Variants in EIF3H observed in about 807,000 individuals in gnomAD.
EIF3H encodes eukaryotic translation initiation factor 3 subunit H.
In EIF3H, 26 loss-of-function variants were observed where a neutral mutation model predicts 44.2. The observed-to-expected ratio is 0.59, with a 90% confidence interval of 0.43 to 0.82. The LOEUF (loss-of-function observed/expected upper bound fraction) is 0.82. Among genes scored for constraint, EIF3H ranks in the 40% least tolerant of loss-of-function variants. EIF3H has a pLI of 0.00. For synonymous variants in EIF3H, 166 were observed against 151.9 expected (o/e 1.09, Z -0.68); for missense variants, 359 against 432.8 (o/e 0.83, Z 1.51).
intron 2 of EIF3H, chr8:116,697,109 G>A (rs977046079): frequency 1.8e-5 from 8 of 456,096 alleles, no homozygotes; most frequent in Non-Finnish European, 3.1e-5. Context: ...GCTGTCCCTG[G>A]TGAATCTCAC....
chr8:116,646,400 A>G (rs999780333), intron 7 of EIF3H, 71 bp downstream of exon 7: 3 of 1,605,400 alleles, frequency 1.9e-6, no homozygotes, highest in Non-Finnish European at 2.6e-6. Context: ...TTCTGTTTGT[A>G]AATTTCTCAC....
At chr8:116,701,809 A>G (rs559839520) in intron 2 of EIF3H, among the ~76,000 whole-genome samples, 4 of 152,330 alleles carry the variant, frequency 2.6e-5, no homozygotes, top group African/African-American at 7.2e-5. Context: ...AAGAGATACA[A>G]TGAAATCCAA....
chr8:116,744,112 C>T lies in EIF3H; in HGVS notation c.132+11554G>A, dbSNP rs117721561. 2.5e-3 allele frequency among the ~76,000 whole-genome samples: 372 copies of T among 151,004 alleles called. 10 individuals are homozygous for T. In the East Asian group the frequency reaches 0.062, roughly 25 times the overall value. On this transcript the variant is annotated intron_variant, in intron 1 of 7. Coordinates refer to ENST00000521861, the MANE Select transcript of EIF3H (RefSeq NM_003756.3). Reference sequence around the variant, plus strand: ...AAAAACCTCAAGAAATAGTCAAAGACGATACCAGAAGCCTTCATGACTTGG... The same window carrying T: ...AAAAACCTCAAGAAATAGTCAAAGATGATACCAGAAGCCTTCATGACTTGG...
intron 1 of EIF3H, among the ~76,000 whole-genome samples, chr8:116,734,904 C>T (rs1353504891): frequency 6.6e-6 from 1 of 152,162 alleles, no homozygotes; most frequent in Non-Finnish European, 1.5e-5. Flanking sequence ...TTCAAAACTA[C>T]CAATTTCATT....
intron 2 of EIF3H, among the ~76,000 whole-genome samples, chr8:116,717,968 G>A (rs1315825167): frequency 2.6e-5 from 4 of 152,046 alleles, no homozygotes; most frequent in African/African-American, 9.7e-5. Context: ...ACCCAGAGTG[G>A]GAGAAAATCT....
Position 116,680,634 on chromosome 8 carries a change from T to G in EIF3H, c.290-21654A>C, listed in dbSNP as rs1329854278. On this transcript the variant is annotated intron_variant, in intron 2 of 7. Coordinates refer to ENST00000521861, the MANE Select transcript of EIF3H (RefSeq NM_003756.3). ...AAACAGATGCTTGAAGGCAGCATGC[T>G]CGTTAAGAGTCATCACCACTCCCTA... Among the ~76,000 whole-genome samples, 46 of 123,776 alleles carry G rather than the reference T, an allele frequency of 3.7e-4. 1 individual carries two copies. The South Asian group carries it at 0.012, about 33-fold the overall frequency. The allele number at this position is 123,776 out of a possible 152,430, so 81.2% of individuals were successfully genotyped here.
chr8:116,755,883 G>T (rs1190293793), upstream of EIF3H: 7 of 1,579,894 alleles, frequency 4.4e-6, no homozygotes, highest in South Asian at 5.6e-5. Context: ...GCAGGCCGGC[G>T]TTCGAGGGGC....
intron 2 of EIF3H, among the ~76,000 whole-genome samples, chr8:116,718,664 G>T (rs1328329310): frequency 2.0e-5 from 3 of 149,726 alleles, no homozygotes; most frequent in Admixed American, 1.3e-4. Context: ...ATAAGTGGGA[G>T]TGAAGCTATG....
At chr8:116,709,630 T>C (rs1361086733) in intron 2 of EIF3H, among the ~76,000 whole-genome samples, 2 of 152,202 alleles carry the variant, frequency 1.3e-5, no homozygotes, top group East Asian at 1.9e-4. Flanking sequence ...TATATCCTTG[T>C]TGGGTTACAA....
chr8:116,688,519 A>C (rs1814118342), intron 2 of EIF3H, among the ~76,000 whole-genome samples: 1 of 152,190 alleles, frequency 6.6e-6, no homozygotes, highest in Admixed American at 6.5e-5. Flanking sequence ...TACTGTCATT[A>C]CATTTATAAA....
chr8:116,664,302 G>C (rs1249243720), intron 2 of EIF3H, among the ~76,000 whole-genome samples: 1 of 152,120 alleles, frequency 6.6e-6, no homozygotes, highest in Non-Finnish European at 1.5e-5. Flanking sequence ...ACATTTGTTG[G>C]GCTTTCTCTT....
rs74344182 is a variant in EIF3H at position 116,755,817 on chromosome 8, G to A, written c.-20C>T. 1.6e-5 allele frequency: 26 copies of A among 1,611,658 alleles called. No homozygotes were observed. In the African/African-American group the frequency reaches 3.1e-4, roughly 19 times the overall value. ...CGCCATCTTTCCAAGCAGACAGGAAGAAAGAGAAACGTGAGTTACCGGAAG... is the reference window on the plus strand; with the variant it reads ...CGCCATCTTTCCAAGCAGACAGGAAAAAAGAGAAACGTGAGTTACCGGAAG... On this transcript the variant is annotated 5_prime_UTR_variant, in exon 1 of 8. Transcript: ENST00000521861.
intron 2 of EIF3H, among the ~76,000 whole-genome samples, chr8:116,723,981 G>A (rs146094393): frequency 6.6e-6 from 1 of 152,238 alleles, no homozygotes; most frequent in East Asian, 1.9e-4. Context: ...AAATTCATAT[G>A]GAATCTCAAA....
At chr8:116,665,825 G>A (rs992177787) in intron 2 of EIF3H, among the ~76,000 whole-genome samples, 4 of 152,154 alleles carry the variant, frequency 2.6e-5, no homozygotes, top group African/African-American at 7.2e-5. Context: ...CTGCACATAC[G>A]TTTCAGGCAA....
At chr8:116,674,378 A>C (rs79498674) in intron 2 of EIF3H, among the ~76,000 whole-genome samples, 1,923 of 151,748 alleles carry the variant, frequency 0.013, 53 homozygotes, top group African/African-American at 0.045. Context: ...CCAGCAAACG[A>C]AGTAGTGGAT....
chr8:116,753,576 T>C (rs1815393749), intron 1 of EIF3H, among the ~76,000 whole-genome samples: 2 of 152,222 alleles, frequency 1.3e-5, no homozygotes, highest in African/African-American at 4.8e-5. Flanking sequence ...TTAGCATTAA[T>C]CAATTCTGAG....
chr8:116,726,042 G>A lies in EIF3H; in HGVS notation c.263C>T (p.Thr88Ile), dbSNP rs1814830594. Residue 88 changes from threonine to isoleucine, a missense_variant, in exon 2 of 8, where the codon ACA becomes ATA. This residue lies in a region of EIF3H where 91 missense variants were observed against 164.6 expected (regional missense o/e 0.55). Coordinates refer to ENST00000521861, the MANE Select transcript of EIF3H (RefSeq NM_003756.3). ...TTCATCAAAGTCAGCATCATCCTCT[G>A]TGTGCTGAGGGAAAGGAAAGCAGTT... ...ITNCFPFPQH[T>I]EDDADFDEVQ... The A allele has an allele frequency of 6.2e-7, 1 of 1,613,846 alleles. No homozygotes were observed. Among genetic ancestry groups the A allele is most frequent in the Admixed American group, 1.7e-5 (1 of 59,978 alleles).
intron 2 of EIF3H, among the ~76,000 whole-genome samples, chr8:116,670,592 T>C (rs1331656096): frequency 1.3e-5 from 2 of 152,198 alleles, no homozygotes; most frequent in African/African-American, 4.8e-5. Context: ...GAAAAAGCTG[T>C]GCATGCCCTT....
intron 2 of EIF3H, among the ~76,000 whole-genome samples, chr8:116,725,083 G>T (rs1814812657): frequency 6.6e-6 from 1 of 152,156 alleles, no homozygotes; most frequent in South Asian, 2.1e-4. Flanking sequence ...TACAGATGAT[G>T]AATTATTATT....
Sources: allele counts gnomAD v4.1 joint callset (sites outside exome capture counted in the v4.1 genomes callset), GRCh38; gene constraint gnomAD v4.1.1; regional missense constraint gnomAD v4.1.1; transcripts MANE v1.5; gene names NCBI Gene and HGNC (gene_info 2026-07-23, HGNC 2026-07-21).